CDC40: variants seen among roughly 807,000 people sequenced by gnomAD.
The protein encoded by CDC40 is pre-mRNA-processing factor 17.
A neutral mutation model predicts 80.6 loss-of-function variants in CDC40; 27 were observed. The observed-to-expected ratio is 0.33, with a 90% CI of 0.25 to 0.46. CDC40 has a LOEUF of 0.46. Among genes scored for constraint, CDC40 ranks in the 20% least tolerant of loss-of-function variants. CDC40 has a pLI of 1.00. For synonymous variants in CDC40, 221 were observed against 232.6 expected (o/e 0.95, Z 0.45); for missense variants, 486 against 694.1 (o/e 0.70, Z 3.37).
At chr6:110,185,470 C>G (rs953824813) in intron 1 of CDC40, among the ~76,000 whole-genome samples, 1 of 151,874 alleles carries the variant, frequency 6.6e-6, no homozygotes, top group Non-Finnish European at 1.5e-5. Context: ...TCTCGATCTC[C>G]TGACCTCGTG....
At position 110,220,508 on chromosome 6, in the gene CDC40, A is replaced by G. The variant is rs141381906; in HGVS notation, c.1340+639A>G. 9.5e-3 allele frequency among the ~76,000 whole-genome samples: 1,359 copies of G among 142,466 alleles called. 16 individuals are homozygous for G. Among genetic ancestry groups the G allele is most frequent in the Non-Finnish European group, 0.013 (891 of 67,016 alleles). The allele number at this position is 142,466 out of a possible 152,430, so 93.5% of individuals were successfully genotyped here. A position where few individuals can be genotyped will look rare whatever the true frequency, so the allele number is the denominator to read the frequency against. ...TGTGCCACCCAGGCTGCAGTGGCGC[A>G]ATCTCAGCTCACTGCAAGCTCCGCC... is the stretch of plus-strand genomic sequence containing the variant. On this transcript the variant is annotated intron_variant, in intron 12 of 14. Transcript: ENST00000307731.
chr6:110,230,875 G>GT lies in CDC40; in HGVS notation c.*745dup, dbSNP rs1777927853. On this transcript the variant is annotated 3_prime_UTR_variant, in exon 15 of 15. Transcript: ENST00000307731. ...ACTTTGAATTGTATTTACATTCACT[G>GT]TCAGTAAAGACCTGGCTACGCTTTG... 1 of 152,200 alleles carries GT rather than the reference G, an allele frequency of 6.6e-6. No individual in the cohort carries two copies. The highest frequency in any genetic ancestry group is 6.5e-5 in the Admixed American group (1 of 15,282). The allele number at this position is 152,200 out of a possible 1,614,324, so 9.4% of individuals were successfully genotyped here. A position where few individuals can be genotyped will look rare whatever the true frequency, so the allele number is the denominator to read the frequency against.
intron 10 of CDC40, 137 bp from the exon 11 acceptor site, chr6:110,219,227 T>C (rs1777736908): frequency 2.2e-6 from 1 of 462,140 alleles, no homozygotes; most frequent in Admixed American, 4.0e-5. Flanking sequence ...AAAGAACAAA[T>C]GTAGTTTACA....
rs111713737 is a variant in CDC40 at position 110,199,204 on chromosome 6, C to T, written c.277-2354C>T. On this transcript the variant is annotated intron_variant, in intron 2 of 14. Transcript: ENST00000307731. ...CATATGTGAAGTTTTAGATTGCTTT[C>T]GGTATAGTACCTTATATTATACATA... 5.5e-3 allele frequency among the ~76,000 whole-genome samples: 838 copies of T among 152,200 alleles called. 12 individuals are homozygous for T. The highest frequency in any genetic ancestry group is 0.02 in the African/African-American group (810 of 41,520).
At chr6:110,181,115 T>C in intron 1 of CDC40, among the ~76,000 whole-genome samples, 1 of 152,172 alleles carries the variant, frequency 6.6e-6, no homozygotes, top group East Asian at 1.9e-4. Context: ...AAAACATCTG[T>C]CTACATGAAA....
rs564054501 is a variant in CDC40 at position 110,216,322 on chromosome 6, G to T, written c.988+991G>T. On this transcript the variant is annotated intron_variant, in intron 9 of 14. Coordinates refer to ENST00000307731, the MANE Select transcript of CDC40 (RefSeq NM_015891.3). ...GTACCACGTTGAAACGGTGTGACTC[G>T]TAGTGGCTCTGTTTTTAGATTAAAG... 5.1e-4 allele frequency among the ~76,000 whole-genome samples: 77 copies of T among 152,268 alleles called. 2 individuals are homozygous for T. The highest frequency in any genetic ancestry group is 3.1e-3 in the Admixed American group (47 of 15,294).
Position 110,217,719 on chromosome 6 carries a change from A to G in CDC40, c.1006A>G (p.Arg336Gly). The change falls in exon 10 of 15, where the codon AGG becomes GGG. Residue 336 changes from arginine to glycine, a missense_variant. Coordinates refer to ENST00000307731, the MANE Select transcript of CDC40 (RefSeq NM_015891.3). ...RTFIGHSKAV[R>G]DICFNTAGTQ... The stretch of plus-strand genomic sequence containing the variant: ...ACCTTTAGGTCACAGTAAGGCTGTT[A>G]GGGATATCTGCTTCAATACTGCAGG... 1 of 1,585,628 alleles carries G rather than the reference A, an allele frequency of 6.3e-7. No individual in the cohort carries two copies. The highest frequency in any genetic ancestry group is 8.7e-7 in the Non-Finnish European group (1 of 1,154,308).
intron 4 of CDC40, among the ~76,000 whole-genome samples, chr6:110,207,827 G>A (rs1217552116): frequency 6.6e-6 from 1 of 152,084 alleles, no homozygotes; most frequent in Admixed American, 6.5e-5. Flanking sequence ...ATATCTCTTT[G>A]AGTTACTTTG....
intron 3 of CDC40, among the ~76,000 whole-genome samples, chr6:110,205,621 A>C (rs952709696): frequency 2.6e-5 from 4 of 152,198 alleles, no homozygotes; most frequent in Non-Finnish European, 5.9e-5. Flanking sequence ...GAGTTGGGGA[A>C]TGGTGCTTAC....
chr6:110,223,272 A>G (rs1282219135), intron 12 of CDC40, among the ~76,000 whole-genome samples: 2 of 152,120 alleles, frequency 1.3e-5, no homozygotes, highest in Admixed American at 1.3e-4. Flanking sequence ...TTTTGTAAGA[A>G]TAGGGTCTCA....
At chr6:110,215,194 G>A (rs1777684094) in intron 8 of CDC40, 92 bp from the exon 9 acceptor site, 1 of 925,046 alleles carries the variant, frequency 1.1e-6, no homozygotes, top group Non-Finnish European at 1.8e-6. Context: ...ACACAGATGT[G>A]CACACACATA....
chr6:110,199,377 G>A (rs1260324750), intron 2 of CDC40, among the ~76,000 whole-genome samples: 4 of 151,892 alleles, frequency 2.6e-5, no homozygotes, highest in South Asian at 2.1e-4. Context: ...GGGCGGATAC[G>A]AGGTCAGGAG....
intron 3 of CDC40, among the ~76,000 whole-genome samples, chr6:110,205,661 CCT>C (rs1469190681): frequency 6.6e-6 from 1 of 152,074 alleles, no homozygotes; most frequent in Non-Finnish European, 1.5e-5. Context: ...ATACCTCTTC[CCT>C]CTCTGTCTAC....
At chr6:110,192,797 A>C (rs896122759) in intron 1 of CDC40, among the ~76,000 whole-genome samples, 5 of 152,178 alleles carry the variant, frequency 3.3e-5, no homozygotes, top group African/African-American at 1.2e-4. Flanking sequence ...AACCAAGTGC[A>C]ATTTGGTTGC....
intron 1 of CDC40, among the ~76,000 whole-genome samples, chr6:110,181,442 G>C (rs1379613660): frequency 6.6e-6 from 1 of 151,730 alleles, no homozygotes; most frequent in African/African-American, 2.4e-5. Flanking sequence ...CCCGAGGTAG[G>C]TGATCAGCTC....
chr6:110,219,635 T>C, intron 11 of CDC40, 101 bp from the exon 12 acceptor site: 1 of 1,372,156 alleles, frequency 7.3e-7, no homozygotes, highest in Admixed American at 2.1e-5. Context: ...TTTATAAAAA[T>C]ATCGTGTTGA....
chr6:110,182,828 C>A (rs1340854690), intron 1 of CDC40, among the ~76,000 whole-genome samples: 1 of 152,190 alleles, frequency 6.6e-6, no homozygotes, highest in Non-Finnish European at 1.5e-5. Context: ...CTACTTCTTC[C>A]TTTCTTGTCT....
intron 4 of CDC40, among the ~76,000 whole-genome samples, chr6:110,208,298 T>C (rs1777589938): frequency 6.6e-6 from 1 of 152,146 alleles, no homozygotes; most frequent in Non-Finnish European, 1.5e-5. Context: ...CCTGAATTAA[T>C]ATAGGTAGAC....
chr6:110,209,983 C>T (rs1206091268), intron 5 of CDC40, among the ~76,000 whole-genome samples: 1 of 152,100 alleles, frequency 6.6e-6, no homozygotes, highest in Admixed American at 6.6e-5. Flanking sequence ...AATTGTGTCA[C>T]AAATGTATAG....
Sources: allele counts gnomAD v4.1 joint callset (sites outside exome capture counted in the v4.1 genomes callset), GRCh38; gene constraint gnomAD v4.1.1; transcripts MANE v1.5; gene names NCBI Gene and HGNC (gene_info 2026-07-23, HGNC 2026-07-21).